The following ZFYVE28 variants were observed in gnomAD, a reference collection of about 807,000 sequenced individuals.
The protein encoded by ZFYVE28 is zinc finger FYVE-type containing 28, also known as lateral signaling target protein 2 homolog.
ZFYVE28 carries 40 observed loss-of-function variants against 82.1 expected under a neutral mutation model. The ratio of observed to expected loss-of-function variants is 0.49; its 90% CI spans 0.38 to 0.63. The LOEUF is 0.63. Among genes scored for constraint, ZFYVE28 ranks in the 30% least tolerant of loss-of-function variants. ZFYVE28 has a pLI of 0.00. For synonymous variants in ZFYVE28, 612 were observed against 546.1 expected, an observed-to-expected ratio of 1.12 and a Z score of -1.68; for missense variants, 1,321 against 1,242.1, an observed-to-expected ratio of 1.06 and a Z score of -0.96.
Position 2,333,544 on chromosome 4 carries a change from AGGGTCACCTG to A in ZFYVE28, c.701+2151_701+2160del, listed in dbSNP as rs1419171993. On this transcript the variant is annotated intron_variant, in intron 6 of 12. Coordinates refer to ENST00000290974, the MANE Select transcript of ZFYVE28 (RefSeq NM_020972.3). ...TATGCCTGGGGTGCGGCCTGCGGGG[AGGGTCACCTG>A]GGGTCACCTGCACACTCCAGGCCCG... Among the ~76,000 whole-genome samples, 8 of 152,034 alleles carry A rather than the reference AGGGTCACCTG, an allele frequency of 5.3e-5. No individual in the cohort carries two copies. In the East Asian group the frequency reaches 1.2e-3, roughly 22 times the overall value.
intron 1 of ZFYVE28, among the ~76,000 whole-genome samples, chr4:2,377,949 G>T (rs3128800): frequency 0.15 from 23,569 of 152,202 alleles, 2,224 homozygotes; most frequent in Middle Eastern, 0.28. Context: ...CCACAAACCT[G>T]CACAGCACGT....
Position 2,271,423 on chromosome 4 carries a change from A to G in ZFYVE28, c.2429-9T>C. On this transcript the variant is annotated splice_polypyrimidine_tract_variant and intron_variant, in intron 11 of 12. Coordinates refer to ENST00000290974, the MANE Select transcript of ZFYVE28 (RefSeq NM_020972.3). ...CACCCACTCCGGGGGGTCTGTCACA[A>G]CAACAGCAGCGTCACATCAGCGACG... The G allele has an allele frequency of 6.2e-7, 1 of 1,611,864 alleles. No individual in the cohort carries two copies. Among genetic ancestry groups the G allele is most frequent in the Non-Finnish European group, 8.5e-7 (1 of 1,179,264 alleles).
chr4:2,271,517 G>T (rs144427133), intron 11 of ZFYVE28, 103 bp from the exon 12 acceptor site: 9 of 1,448,972 alleles, frequency 6.2e-6, no homozygotes, highest in Non-Finnish European at 9.6e-7. Context: ...CTGCCAAGCC[G>T]CCTGGCCTCC....
chr4:2,288,263 A>T (rs550845320), intron 8 of ZFYVE28, among the ~76,000 whole-genome samples: 1 of 152,324 alleles, frequency 6.6e-6, no homozygotes, highest in African/African-American at 2.4e-5. Flanking sequence ...CAGGGCCTCC[A>T]TCTCCTAAGC....
intron 1 of ZFYVE28, among the ~76,000 whole-genome samples, chr4:2,374,297 A>G (rs1727880529): frequency 6.6e-6 from 1 of 152,214 alleles, no homozygotes; most frequent in Non-Finnish European, 1.5e-5. Context: ...GGCTGTTAGT[A>G]CAAGGACAGA....
At chr4:2,342,364 T>C (rs1012226028) in intron 2 of ZFYVE28, among the ~76,000 whole-genome samples, 1 of 152,170 alleles carries the variant, frequency 6.6e-6, no homozygotes, top group African/African-American at 2.4e-5. Flanking sequence ...CAGGTCCCCT[T>C]CTGTAAGCCT....
At chr4:2,322,621 G>A (rs564914945) in intron 6 of ZFYVE28, among the ~76,000 whole-genome samples, 1 of 152,314 alleles carries the variant, frequency 6.6e-6, no homozygotes, top group South Asian at 2.1e-4. Context: ...TTCATATAAC[G>A]AACAACTGTT....
chr4:2,325,725 C>T (rs776857411), intron 6 of ZFYVE28, among the ~76,000 whole-genome samples: 7 of 151,834 alleles, frequency 4.6e-5, no homozygotes, highest in Admixed American at 6.6e-5. Context: ...TCTTAGCCTC[C>T]GAAGTGGCTG....
At chr4:2,294,299 C>G (rs1714212395) in intron 8 of ZFYVE28, among the ~76,000 whole-genome samples, 1 of 152,154 alleles carries the variant, frequency 6.6e-6, no homozygotes, top group South Asian at 2.1e-4. Context: ...AAACCCACCC[C>G]ATGTGGTCAG....
chr4:2,417,951 AG>A lies in ZFYVE28; in HGVS notation c.39+333del, dbSNP rs1733283903. On this transcript the variant is annotated intron_variant, in intron 1 of 12. Transcript: ENST00000290974. This position sits in a 1 kb window ranked among gnomAD's most constrained non-coding sequence, Gnocchi z 4.8. ...CGGGCTGGGGACCACGAAGTGTAGG[AG>A]GGCACCGTCCAGGACCGGGATGAGG... 6.7e-6 allele frequency among the ~76,000 whole-genome samples: 1 copy of A among 149,108 alleles called. No homozygotes were observed. The highest frequency in any genetic ancestry group is 2.5e-5 in the African/African-American group (1 of 40,158).
At chr4:2,286,363 G>A (rs1219324807) in intron 8 of ZFYVE28, 2 of 152,426 alleles carry the variant, frequency 1.3e-5, no homozygotes, top group African/African-American at 4.8e-5. Flanking sequence ...GGGGTGGGAG[G>A]GGGCATCAGG....
rs1229018389 is a variant in ZFYVE28, at chr4:2,319,845, CGGTGGGGAT to C, written c.803+316_803+324del. On this transcript the variant is annotated intron_variant, in intron 7 of 12. Transcript: ENST00000290974. Reference sequence around the variant, plus strand: ...GTGGGGATGGTGGGGACGGTGGGGACGGTGGGGATGGTGGGGACAATGGGAATGGTGGGG... The same window carrying C: ...GTGGGGATGGTGGGGACGGTGGGGACGGTGGGGACAATGGGAATGGTGGGG... Among the ~76,000 whole-genome samples the C allele has an allele frequency of 6.6e-4, 60 of 91,406 alleles. 1 individual carries two copies. The highest frequency in any genetic ancestry group is 1.2e-3 in the Non-Finnish European group (53 of 46,026). The allele number at this position is 91,406 out of a possible 152,430, so 60.0% of individuals were successfully genotyped here. A position where few individuals can be genotyped will look rare whatever the true frequency, so the allele number is the denominator to read the frequency against.
intron 8 of ZFYVE28, among the ~76,000 whole-genome samples, chr4:2,283,852 G>C (rs1464593444): frequency 6.6e-6 from 1 of 152,176 alleles, no homozygotes; most frequent in Non-Finnish European, 1.5e-5. Context: ...CATGAGGACA[G>C]CTTGAATGAA....
At position 2,360,414 on chromosome 4, in the gene ZFYVE28, C is replaced by A. The variant is rs1204266965; in HGVS notation, c.40-6341G>T. 9.3e-4 allele frequency among the ~76,000 whole-genome samples: 141 copies of A among 151,946 alleles called. 2 individuals carry two copies. Among genetic ancestry groups the A allele is most frequent in the Middle Eastern group, 3.4e-3 (1 of 292 alleles). On this transcript the variant is annotated intron_variant, in intron 1 of 12. Transcript: ENST00000290974. ...TCACACACACACACACACACACACA[C>A]ACACACACACACAGGCACGCACGCA...
intron 1 of ZFYVE28, among the ~76,000 whole-genome samples, chr4:2,377,319 G>C (rs1393310941): frequency 6.6e-6 from 1 of 152,176 alleles, no homozygotes; most frequent in Non-Finnish European, 1.5e-5. Context: ...ACTGCGCCCG[G>C]CCTAGGGCTT....
chr4:2,294,978 T>A (rs1714318632), intron 8 of ZFYVE28, among the ~76,000 whole-genome samples: 1 of 151,966 alleles, frequency 6.6e-6, no homozygotes, highest in Non-Finnish European at 1.5e-5. Flanking sequence ...AAAAAAGATT[T>A]TCAACATTAT....
At chr4:2,277,298 G>A (rs543110583) in intron 8 of ZFYVE28, among the ~76,000 whole-genome samples, 19 of 152,228 alleles carry the variant, frequency 1.2e-4, no homozygotes, top group African/African-American at 4.3e-4. Context: ...TGGGCAACAC[G>A]GTGAAACCCC....
intron 8 of ZFYVE28, chr4:2,286,613 T>C: frequency 6.6e-6 from 1 of 152,308 alleles, no homozygotes; most frequent in Non-Finnish European, 1.5e-5. Flanking sequence ...TCGGCATTGC[T>C]TATACACAGC....
At chr4:2,382,593 A>G (rs546122176) in intron 1 of ZFYVE28, among the ~76,000 whole-genome samples, 18 of 152,220 alleles carry the variant, frequency 1.2e-4, no homozygotes, top group South Asian at 4.1e-4. Flanking sequence ...GGCTATATGT[A>G]CCCAATACCT....
Sources: gnomAD v4.1 joint callset for allele counts (sites outside exome capture counted in the v4.1 genomes callset) on GRCh38, gnomAD v4.1.1 for gene constraint, Gnocchi (gnomAD v3.1) non-coding constraint, MANE v1.5 for transcripts, NCBI Gene and HGNC (gene_info 2026-07-23, HGNC 2026-07-21) for gene names.